The following DTNA variants were observed in gnomAD, a reference collection of about 807,000 sequenced individuals.
DTNA encodes the protein dystrophin-related protein 3.
A neutral mutation model predicts 100.7 loss-of-function variants in DTNA; 43 were observed. The ratio of observed to expected loss-of-function variants is 0.43; its 90% CI spans 0.33 to 0.55. The LOEUF (loss-of-function observed/expected upper bound fraction) is 0.55, where lower values mean the gene tolerates loss of function less well. DTNA is among the 20% of genes least tolerant of loss of function. DTNA has a pLI of 0.04. For missense variants in DTNA, 798 were observed against 953.9 expected (o/e 0.84, Z 2.15); for synonymous variants, 349 against 347.9 (o/e 1.00, Z -0.04).
chr18:34,623,216 A>G (rs1370463264), intron 1 of DTNA, among the ~76,000 whole-genome samples: 1 of 152,130 alleles, frequency 6.6e-6, no homozygotes, highest in Non-Finnish European at 1.5e-5. Context: ...GGCTTCACCT[A>G]AAAAAGGAAC....
intron 3 of DTNA, among the ~76,000 whole-genome samples, chr18:34,777,309 G>A (rs990531978): frequency 6.6e-6 from 1 of 152,206 alleles, no homozygotes; most frequent in Non-Finnish European, 1.5e-5. Flanking sequence ...GACTACTGGG[G>A]AGGAGCTCTT....
intron 13 of DTNA, among the ~76,000 whole-genome samples, chr18:34,842,851 G>C (rs1043013166): frequency 6.6e-6 from 1 of 152,126 alleles, no homozygotes; most frequent in Non-Finnish European, 1.5e-5. Flanking sequence ...TTGGTTAGCT[G>C]TTTGGCTGGT....
At chr18:34,644,295 T>G (rs1166717673) in intron 1 of DTNA, among the ~76,000 whole-genome samples, 1 of 152,146 alleles carries the variant, frequency 6.6e-6, no homozygotes, top group Non-Finnish European at 1.5e-5. Context: ...AGGAGTCGAC[T>G]GTATTATCAT....
chr18:34,589,665 C>T (rs921134384), intron 1 of DTNA, among the ~76,000 whole-genome samples: 4 of 152,168 alleles, frequency 2.6e-5, no homozygotes, highest in African/African-American at 9.6e-5. Context: ...GGCAAATTAC[C>T]GGTATACAAT....
chr18:34,652,131 AAAG>A lies in DTNA; in HGVS notation c.-1-103842_-1-103840del, dbSNP rs753733913. On this transcript the variant is annotated intron_variant, in intron 1 of 19. Coordinates refer to the DTNA transcript ENST00000283365. The stretch of plus-strand genomic sequence containing the variant: ...GGAAGGAAGGAGAGAAGAAAAGAAA[AAAG>A]AAACCACAAAACAGCAACAACGAAA... Among the ~76,000 whole-genome samples the A allele has an allele frequency of 1.4e-4, 21 of 151,874 alleles. No individual in the cohort carries two copies. The Middle Eastern group carries it at 0.014, about 99-fold the overall frequency.
chr18:34,756,791 C>T (rs2092803843), intron 2 of DTNA, among the ~76,000 whole-genome samples: 1 of 152,032 alleles, frequency 6.6e-6, no homozygotes, highest in South Asian at 2.1e-4. Context: ...AGAAAAAGAA[C>T]TTGACATTAG....
At chr18:34,823,526 T>G (rs898099747) in intron 9 of DTNA, among the ~76,000 whole-genome samples, 19 of 152,238 alleles carry the variant, frequency 1.2e-4, no homozygotes, top group Admixed American at 7.9e-4. Context: ...AAAGGTCTTA[T>G]GCAGAAGGAA....
chr18:34,821,030 T>TAA (rs143240161), intron 9 of DTNA, 115 bp downstream of exon 9: 15 of 1,377,476 alleles, frequency 1.1e-5, no homozygotes, highest in East Asian at 2.6e-5. Flanking sequence ...TAATTTAGTT[T>TAA]AAAAAAAAAA....
At position 34,891,541 on chromosome 18, in the gene DTNA, T is replaced by C. The variant is rs1310415320; in HGVS notation, c.*3807T>C. On this transcript the variant is annotated 3_prime_UTR_variant, in exon 23 of 23. Transcript: ENST00000444659. ...GGAATATTGAGCCACCGAGGCAAAATAGCTCACCTTCTCTTGCCTTGGGGG... is the reference window on the plus strand; with the variant it reads ...GGAATATTGAGCCACCGAGGCAAAACAGCTCACCTTCTCTTGCCTTGGGGG... The C allele has an allele frequency of 2.0e-5, 3 of 152,198 alleles. No individual in the cohort carries two copies. Among genetic ancestry groups the C allele is most frequent in the African/African-American group, 7.2e-5 (3 of 41,438 alleles). 9.4% of individuals were successfully genotyped at this position (152,198 alleles called of 1,614,324 possible).
intron 1 of DTNA, among the ~76,000 whole-genome samples, chr18:34,716,710 C>T (rs1250782175): frequency 2.0e-5 from 3 of 152,126 alleles, no homozygotes; most frequent in Non-Finnish European, 4.4e-5. Flanking sequence ...ATTGGAATGC[C>T]TGAATCATGC....
At chr18:34,673,613 G>A (rs1277814873) in intron 1 of DTNA, among the ~76,000 whole-genome samples, 1 of 151,954 alleles carries the variant, frequency 6.6e-6, no homozygotes, top group African/African-American at 2.4e-5. Flanking sequence ...ACAGTTGACT[G>A]GATACCCAAC....
rs2096960564 is a variant in DTNA, at chr18:34,890,706, G to T, written c.*2972G>T. ...AAGTTGGGGTAAGTTTGGTTGGTCAGAGGGAGTTGTGCTGGAGATTGTGAA... is the reference window on the plus strand; with the variant it reads ...AAGTTGGGGTAAGTTTGGTTGGTCATAGGGAGTTGTGCTGGAGATTGTGAA... On this transcript the variant is annotated 3_prime_UTR_variant, in exon 23 of 23. Transcript: ENST00000444659. 3 of 537,272 alleles carry T rather than the reference G, an allele frequency of 5.6e-6. No homozygotes were observed. The highest frequency in any genetic ancestry group is 9.8e-6 in the Non-Finnish European group (3 of 306,910). The allele number at this position is 537,272 out of a possible 1,614,324, so 33.3% of individuals were successfully genotyped here. A position where few individuals can be genotyped will look rare whatever the true frequency, so the allele number is the denominator to read the frequency against.
At chr18:34,738,642 G>A (rs923251071) in intron 1 of DTNA, among the ~76,000 whole-genome samples, 4 of 151,918 alleles carry the variant, frequency 2.6e-5, no homozygotes, top group African/African-American at 9.7e-5. Flanking sequence ...TCTATCTGCC[G>A]TCCCGATGTG....
chr18:34,884,025 G>A (rs2096899107), intron 21 of DTNA, among the ~76,000 whole-genome samples: 1 of 152,198 alleles, frequency 6.6e-6, no homozygotes, highest in Admixed American at 6.5e-5. Context: ...TCCACAGAAG[G>A]AAATCAGCCT....
chr18:34,724,665 A>G (rs952426134), intron 1 of DTNA, among the ~76,000 whole-genome samples: 1 of 152,200 alleles, frequency 6.6e-6, no homozygotes, highest in Non-Finnish European at 1.5e-5. Context: ...GAACTCTCTC[A>G]TTACAGTGAA....
intron 1 of DTNA, among the ~76,000 whole-genome samples, chr18:34,749,375 T>A (rs931500209): frequency 1.3e-5 from 2 of 152,120 alleles, no homozygotes; most frequent in African/African-American, 4.8e-5. Context: ...GTGGTGAAAG[T>A]GGGCATCCTT....
At chr18:34,514,416 C>G (rs1172561698) in intron 1 of DTNA, among the ~76,000 whole-genome samples, 2 of 152,088 alleles carry the variant, frequency 1.3e-5, no homozygotes, top group African/African-American at 4.8e-5. Context: ...ACAATGCTGA[C>G]ACTGCTGACC....
chr18:34,844,029 A>G (rs1425475988), intron 13 of DTNA, among the ~76,000 whole-genome samples: 1 of 152,168 alleles, frequency 6.6e-6, no homozygotes. Flanking sequence ...AGGAACTTCA[A>G]TTATAGAACT....
intron 1 of DTNA, among the ~76,000 whole-genome samples, chr18:34,732,379 A>G (rs968267435): frequency 2.0e-5 from 3 of 152,242 alleles, no homozygotes; most frequent in Non-Finnish European, 4.4e-5. Context: ...AGTCACCTGT[A>G]TATGCCAAGA....
Sources: gnomAD v4.1 joint callset for allele counts (sites outside exome capture counted in the v4.1 genomes callset) on GRCh38, gnomAD v4.1.1 for gene constraint, MANE v1.5 for transcripts, NCBI Gene and HGNC (gene_info 2026-07-23, HGNC 2026-07-21) for gene names.